GPM6A: variants seen among roughly 807,000 people sequenced by gnomAD.
GPM6A encodes glycoprotein M6A.
A neutral mutation model predicts 32.1 loss-of-function variants in GPM6A; 7 were observed. The ratio of observed to expected loss-of-function variants is 0.22; its 90% CI spans 0.12 to 0.41. The LOEUF (loss-of-function observed/expected upper bound fraction) is 0.41. GPM6A is among the 10% of genes least tolerant of loss of function. The pLI is 1.00. For synonymous variants in GPM6A, 130 were observed against 123.4 expected (o/e 1.05, Z -0.35); for missense variants, 235 against 347.2 (o/e 0.68, Z 2.57).
intron 1 of GPM6A, among the ~76,000 whole-genome samples, chr4:175,844,539 T>TG (rs1167822029): frequency 2.6e-5 from 4 of 152,214 alleles, no homozygotes; most frequent in African/African-American, 4.8e-5. Flanking sequence ...AGAACAGTGT[T>TG]GTTCTCTCTA....
At chr4:175,725,205 T>A (rs1746339812) in intron 1 of GPM6A, among the ~76,000 whole-genome samples, 2 of 152,010 alleles carry the variant, frequency 1.3e-5, no homozygotes, top group Admixed American at 1.3e-4. Flanking sequence ...ATCTTGCACA[T>A]AATAAGAGCT....
intron 4 of GPM6A, chr4:175,641,038 A>G (rs1560845529): frequency 5.7e-6 from 3 of 528,412 alleles, no homozygotes; most frequent in East Asian, 6.4e-5. Flanking sequence ...CCCTCAAGCA[A>G]TTTAAATAAT....
At chr4:175,730,740 C>T (rs1731391378) in intron 1 of GPM6A, among the ~76,000 whole-genome samples, 1 of 152,188 alleles carries the variant, frequency 6.6e-6, no homozygotes, top group African/African-American at 2.4e-5. Context: ...TCCCAAAGTG[C>T]TGAGATTCCA....
intron 1 of GPM6A, among the ~76,000 whole-genome samples, chr4:175,890,268 A>G (rs1737599190): frequency 6.6e-6 from 1 of 152,202 alleles, no homozygotes; most frequent in Non-Finnish European, 1.5e-5. Context: ...TGAAATGTCC[A>G]TCCTATAGAA....
intron 1 of GPM6A, among the ~76,000 whole-genome samples, chr4:175,772,682 C>T (rs1036907838): frequency 3.3e-5 from 5 of 152,204 alleles, no homozygotes; most frequent in Admixed American, 1.3e-4. Context: ...TCTAGTCTCA[C>T]TTTCCACATT....
chr4:175,886,533 T>A (rs968723296), intron 1 of GPM6A, among the ~76,000 whole-genome samples: 1 of 152,136 alleles, frequency 6.6e-6, no homozygotes, highest in Non-Finnish European at 1.5e-5. Context: ...CAAAAGGTCC[T>A]TCTACGGTCC....
At chr4:175,676,220 A>G (rs556667421) in intron 2 of GPM6A, among the ~76,000 whole-genome samples, 4 of 152,242 alleles carry the variant, frequency 2.6e-5, no homozygotes, top group Admixed American at 1.3e-4. Context: ...TCTTTCTTTT[A>G]TAAATTACCC....
At chr4:175,805,138 A>T (rs189794324) in intron 1 of GPM6A, among the ~76,000 whole-genome samples, 1 of 148,784 alleles carries the variant, frequency 6.7e-6, no homozygotes, top group African/African-American at 2.5e-5. Flanking sequence ...TTTTTTTTTC[A>T]AAAAAAAAAG....
intron 1 of GPM6A, among the ~76,000 whole-genome samples, chr4:175,928,213 A>T (rs1439509806): frequency 1.3e-5 from 2 of 152,162 alleles, no homozygotes; most frequent in African/African-American, 4.8e-5. Flanking sequence ...ACTTATTGCA[A>T]AAATGTTTAC....
chr4:175,966,763 G>A (rs1422930843), intron 1 of GPM6A, among the ~76,000 whole-genome samples: 1 of 152,062 alleles, frequency 6.6e-6, no homozygotes, highest in South Asian at 2.1e-4. Context: ...GGTAATTTGT[G>A]TAGTAGCCTG....
chr4:175,792,489 T>TA (rs1734052209), intron 1 of GPM6A, among the ~76,000 whole-genome samples: 1 of 152,154 alleles, frequency 6.6e-6, no homozygotes, highest in South Asian at 2.1e-4. Context: ...CATTTATTTT[T>TA]AATGGACTTG....
intron 1 of GPM6A, among the ~76,000 whole-genome samples, chr4:175,953,677 G>A (rs578124783): frequency 3.3e-5 from 5 of 152,180 alleles, no homozygotes; most frequent in Admixed American, 2.6e-4. Context: ...CGAGGTGGGC[G>A]GATCACCTAA....
At chr4:175,745,719 AC>A (rs749135729) in intron 1 of GPM6A, among the ~76,000 whole-genome samples, 1 of 152,210 alleles carries the variant, frequency 6.6e-6, no homozygotes, top group Non-Finnish European at 1.5e-5. Context: ...AACCAAATAC[AC>A]AAAATATTCA....
At chr4:175,726,698 C>A (rs1244378040) in intron 1 of GPM6A, among the ~76,000 whole-genome samples, 1 of 152,034 alleles carries the variant, frequency 6.6e-6, no homozygotes, top group Non-Finnish European at 1.5e-5. Context: ...AACTAAAATG[C>A]AAAAATGTTA....
intron 1 of GPM6A, among the ~76,000 whole-genome samples, chr4:175,969,308 T>G (rs188573259): frequency 3.3e-5 from 5 of 152,272 alleles, no homozygotes; most frequent in Non-Finnish European, 7.4e-5. Context: ...AGTGAGACTA[T>G]TCTGTACAAT....
chr4:175,798,451 C>T (rs1355045279), intron 1 of GPM6A, among the ~76,000 whole-genome samples: 3 of 152,108 alleles, frequency 2.0e-5, no homozygotes, highest in Non-Finnish European at 4.4e-5. Context: ...ACATAATTGC[C>T]TCATTTAAAG....
chr4:175,879,160 T>C (rs1287318239), intron 1 of GPM6A, among the ~76,000 whole-genome samples: 6 of 152,204 alleles, frequency 3.9e-5, no homozygotes, highest in Non-Finnish European at 8.8e-5. Context: ...ATTAGCATTT[T>C]GGTCAAAGCC....
chr4:175,733,095 T>C (rs1731502985), intron 1 of GPM6A, among the ~76,000 whole-genome samples: 1 of 152,208 alleles, frequency 6.6e-6, no homozygotes, highest in Non-Finnish European at 1.5e-5. Context: ...AGTAGTGAAA[T>C]GTCTTTTTAC....
intron 3 of GPM6A, among the ~76,000 whole-genome samples, chr4:175,654,812 T>A (rs1341850379): frequency 6.6e-6 from 1 of 152,102 alleles, no homozygotes; most frequent in Non-Finnish European, 1.5e-5. Context: ...TCTAGAACAA[T>A]AAACATGATA....
Sources: allele counts gnomAD v4.1 joint callset (sites outside exome capture counted in the v4.1 genomes callset), GRCh38; gene constraint gnomAD v4.1.1; transcripts MANE v1.5; gene names NCBI Gene and HGNC (gene_info 2026-07-23, HGNC 2026-07-21).